PCDHA8: variants seen among roughly 807,000 people sequenced by gnomAD.
PCDHA8 encodes protocadherin alpha 8, also known as protocadherin alpha-8.
In PCDHA8, 53 loss-of-function variants were observed where a neutral mutation model predicts 61.8. The observed-to-expected ratio is 0.86, with a 90% confidence interval of 0.69 to 1.08. The LOEUF is 1.08. Among genes scored for constraint, PCDHA8 ranks in the 50% least tolerant of loss-of-function variants. The probability of loss-of-function intolerance (pLI) is 0.00; values close to 1 mark genes in which losing one functional copy is unlikely to be tolerated. For synonymous variants in PCDHA8, 618 were observed against 556.6 expected, an observed-to-expected ratio of 1.11 and a Z score of -1.55; for missense variants, 1,293 against 1,245.0, an observed-to-expected ratio of 1.04 and a Z score of -0.58.
chr5:140,869,555 G>A, intron 1 of PCDHA8: 1 of 1,614,172 alleles, frequency 6.2e-7, no homozygotes, highest in Non-Finnish European at 8.5e-7. Flanking sequence ...TCGGACTCGC[G>A]TTTTCCACTA....
intron 3 of PCDHA8, among the ~76,000 whole-genome samples, chr5:141,005,708 A>G (rs1245739768): frequency 6.8e-6 from 1 of 146,360 alleles, no homozygotes; most frequent in Non-Finnish European, 1.5e-5. Context: ...TCTCAAAAAA[A>G]AAAAAAAAAA....
At chr5:140,984,905 C>G (rs1214020745) in intron 3 of PCDHA8, among the ~76,000 whole-genome samples, 1 of 152,004 alleles carries the variant, frequency 6.6e-6, no homozygotes, top group African/African-American at 2.4e-5. Context: ...AAAAAAAGAA[C>G]TGAGCATAGT....
chr5:140,890,344 A>G (rs1482265903), intron 1 of PCDHA8, among the ~76,000 whole-genome samples: 1 of 152,196 alleles, frequency 6.6e-6, no homozygotes, highest in Admixed American at 6.5e-5. Context: ...GGGATGGTTT[A>G]CTATATAGCA....
intron 1 of PCDHA8, chr5:140,869,756 GA>G: frequency 6.2e-7 from 1 of 1,613,194 alleles, no homozygotes; most frequent in South Asian, 1.1e-5. Context: ...ACAGACGGGG[GA>G]AAACCAGAGC....
At chr5:140,908,384 C>T (rs573373685) in intron 1 of PCDHA8, among the ~76,000 whole-genome samples, 2 of 152,172 alleles carry the variant, frequency 1.3e-5, no homozygotes, top group African/African-American at 2.4e-5. Flanking sequence ...TGCTCGAGCC[C>T]GATCACATAT....
At chr5:140,972,660 A>T (rs868975656) in intron 1 of PCDHA8, among the ~76,000 whole-genome samples, 47 of 117,276 alleles carry the variant, frequency 4.0e-4, no homozygotes, top group Non-Finnish European at 6.8e-4. Flanking sequence ...AAGAAACCAA[A>T]TTTTTTTTTT....
rs781944777 is a variant in PCDHA8, at chr5:140,978,930, T to A, written c.2395-19T>A. ...TTGTCTTGTCATTTTAACAGAAAAC[T>A]CTCTTTGTGATTTTGCAGCCACGAC... On this transcript the variant is annotated intron_variant, in intron 1 of 3. Transcript: ENST00000531613. The A allele has an allele frequency of 1.2e-6, 2 of 1,614,088 alleles. No homozygotes were observed. The highest frequency in any genetic ancestry group is 8.5e-7 in the Non-Finnish European group (1 of 1,180,010).
chr5:140,856,786 T>C (rs1304575446), intron 1 of PCDHA8: 4 of 1,596,308 alleles, frequency 2.5e-6, no homozygotes, highest in East Asian at 4.5e-5. Context: ...GACCGGTTTA[T>C]GAAGTTAAGA....
chr5:140,935,550 C>G (rs1419018426), intron 1 of PCDHA8, among the ~76,000 whole-genome samples: 2 of 152,156 alleles, frequency 1.3e-5, no homozygotes, highest in African/African-American at 4.8e-5. Flanking sequence ...TTTAAAGTAT[C>G]TTGGAAAAGT....
intron 1 of PCDHA8, chr5:140,862,764 G>A (rs375357178): frequency 5.0e-5 from 29 of 577,184 alleles, no homozygotes; most frequent in Middle Eastern, 5.6e-4. Flanking sequence ...GCGGCAAGAG[G>A]TACGCGTTGC....
intron 1 of PCDHA8, chr5:140,871,488 C>T (rs370808040): frequency 3.4e-5 from 54 of 1,591,050 alleles, no homozygotes; most frequent in Non-Finnish European, 4.5e-5. Flanking sequence ...CAAATCACCC[C>T]GGACAGGTGA....
chr5:140,907,641 C>T (rs2073511625), intron 1 of PCDHA8, among the ~76,000 whole-genome samples: 1 of 152,212 alleles, frequency 6.6e-6, no homozygotes, highest in Non-Finnish European at 1.5e-5. Context: ...CTGCTGCTGG[C>T]AAATTGGGCA....
At chr5:140,894,997 T>C (rs566489828) in intron 1 of PCDHA8, among the ~76,000 whole-genome samples, 4 of 152,178 alleles carry the variant, frequency 2.6e-5, no homozygotes, top group Non-Finnish European at 5.9e-5. Flanking sequence ...TCCTTTACCC[T>C]TTTTACTTGG....
rs2150408028 is a variant in PCDHA8, at chr5:140,848,285, C to G, written c.2394+4570C>G. 1.1e-4 allele frequency: 65 copies of G among 617,022 alleles called. 3 individuals carry two copies. The South Asian group carries it at 1.4e-3, about 14-fold the overall frequency. The allele number at this position is 617,022 out of a possible 1,614,324, so 38.2% of individuals were successfully genotyped here. On this transcript the variant is annotated intron_variant, in intron 1 of 3. Transcript: ENST00000531613. The stretch of plus-strand genomic sequence containing the variant: ...TTTATTCATGAAATATGTACTTACA[C>G]TTTGGGCCACGTGATGTCACTCTTT...
rs564683374 is a variant in PCDHA8 at position 140,850,519 on chromosome 5, C to A, written c.2394+6804C>A. 1.1e-5 allele frequency: 17 copies of A among 1,598,126 alleles called. 1 individual carries two copies. Among genetic ancestry groups the A allele is most frequent in the Admixed American group, 1.7e-5 (1 of 59,294 alleles). On this transcript the variant is annotated intron_variant, in intron 1 of 3. Coordinates refer to ENST00000531613, the MANE Select transcript of PCDHA8 (RefSeq NM_018911.3). ...GTGTCGCTGGTGGAGAGCGGCCAGG[C>A]GCCAAAGTCATCGTCGCGGGCGTCA...
At position 140,843,610 on chromosome 5, in the gene PCDHA8, G is replaced by C; in HGVS notation, c.2289G>C (p.Gly763=). 5.6e-6 allele frequency: 9 copies of C among 1,595,980 alleles called. 1 individual carries two copies. The highest frequency in any genetic ancestry group is 7.7e-6 in the Non-Finnish European group (9 of 1,165,482). Residue 763 remains glycine (G), a synonymous_variant, in exon 1 of 4, where the codon GGG becomes GGC. Transcript: ENST00000531613. ...QQPQRVCSGE[G]PPKTDLMAFS... Reference sequence around the variant, plus strand: ...CGCAGAGGGTGTGCTCTGGTGAGGGGCCACCGAAGACGGACCTCATGGCCT... The same window carrying C: ...CGCAGAGGGTGTGCTCTGGTGAGGGCCCACCGAAGACGGACCTCATGGCCT...
intron 1 of PCDHA8, chr5:140,850,108 G>T: frequency 6.3e-7 from 1 of 1,596,108 alleles, no homozygotes; most frequent in Non-Finnish European, 8.6e-7. Context: ...GTGAGCGCGC[G>T]CGACGCGGGC....
intron 1 of PCDHA8, among the ~76,000 whole-genome samples, chr5:140,912,343 ATTT>A (rs35252606): frequency 2.8e-5 from 4 of 143,838 alleles, no homozygotes; most frequent in African/African-American, 5.1e-5. Context: ...TACACTAAGT[ATTT>A]TTTTTTTTTT....
chr5:140,877,422 G>A (rs781813282), intron 1 of PCDHA8: 2 of 1,613,784 alleles, frequency 1.2e-6, no homozygotes, highest in Admixed American at 1.7e-5. Context: ...TGCTGGTGCT[G>A]GTGAAGGACC....
Sources: gnomAD v4.1 joint callset for allele counts (sites outside exome capture counted in the v4.1 genomes callset) on GRCh38, gnomAD v4.1.1 for gene constraint, MANE v1.5 for transcripts, NCBI Gene and HGNC (gene_info 2026-07-23, HGNC 2026-07-21) for gene names.